Variants in GSG1L2 observed in about 807,000 individuals in gnomAD.
GSG1L2 encodes the protein GSG1 like 2.
GSG1L2 carries 15 observed loss-of-function variants against 9.0 expected under a neutral mutation model. The ratio of observed to expected loss-of-function variants is 1.67; its 90% CI spans 1.12 to 2.57. The LOEUF (loss-of-function observed/expected upper bound fraction) is 2.57. Ranked by LOEUF, GSG1L2 falls within the 30% of genes most tolerant of loss-of-function variation. The pLI, the probability that GSG1L2 is intolerant of heterozygous loss-of-function variation, is 0.00. For missense variants in GSG1L2, 286 were observed against 150.3 expected, an observed-to-expected ratio of 1.90 and a Z score of -4.72; for synonymous variants, 127 against 57.9, an observed-to-expected ratio of 2.19 and a Z score of -5.41.
At chr17:9,805,377 A>G (rs1386449823) in intron 4 of GSG1L2, 2 of 152,170 alleles carry the variant, frequency 1.3e-5, no homozygotes, top group East Asian at 1.9e-4. Context: ...GAAGAAAATA[A>G]CAGGCCACCT....
In GSG1L2 at chr17:9,808,867, C is replaced by T. The variant is rs924162917; in HGVS notation, c.474G>A (p.Arg158=). 1 of 702,960 alleles carries T rather than the reference C, an allele frequency of 1.4e-6. No homozygotes were observed. The highest frequency in any genetic ancestry group is 2.6e-6 in the Non-Finnish European group (1 of 385,002). 43.5% of individuals were successfully genotyped at this position (702,960 alleles called of 1,614,324 possible). The change falls in exon 3 of 5, where the codon AGG becomes AGA. Residue 158 remains arginine (R), a synonymous_variant. Transcript: ENST00000399363. ...TGAAGATGGCTACCAAGGCATCCAC[C>T]CTGAGCCAGTGGAACCCAGGGCTGC... The part of the protein sequence containing the change: ...SCRSPGFHWL[R]VDALVAIFMV...
chr17:9,814,198 T>C (rs1324316313), intron 1 of GSG1L2, among the ~76,000 whole-genome samples: 5 of 152,190 alleles, frequency 3.3e-5, no homozygotes, highest in Admixed American at 2.0e-4. Context: ...CCTCCCGAAG[T>C]GCTGGGATTA....
chr17:9,812,497 C>G (rs1197782571), intron 1 of GSG1L2, among the ~76,000 whole-genome samples: 1 of 152,162 alleles, frequency 6.6e-6, no homozygotes, highest in Non-Finnish European at 1.5e-5. Context: ...AGTCCTGTAA[C>G]AAATTACCAT....
chr17:9,808,766 G>C (rs766434255), intron 3 of GSG1L2, 64 bp downstream of exon 3: 192 of 688,562 alleles, frequency 2.8e-4, no homozygotes, highest in Non-Finnish European at 1.3e-4. Flanking sequence ...TAATGAGCAT[G>C]TCCAGTCTGA....
intron 1 of GSG1L2, among the ~76,000 whole-genome samples, chr17:9,816,640 C>CGTGTCTGTGT (rs1425895581): frequency 2.0e-5 from 2 of 100,044 alleles, no homozygotes; most frequent in African/African-American, 8.2e-5. Flanking sequence ...TGTCTGTGTG[C>CGTGTCTGTGT]GTGTCTGTGT....
chr17:9,806,345 T>C (rs1232474071), intron 4 of GSG1L2, among the ~76,000 whole-genome samples: 1 of 152,190 alleles, frequency 6.6e-6, no homozygotes, highest in Admixed American at 6.5e-5. Context: ...AGACCCATCA[T>C]CACAGTAACT....
chr17:9,802,768 G>A, intron 4 of GSG1L2, 124 bp from the exon 5 acceptor site: 5 of 612,544 alleles, frequency 8.2e-6, no homozygotes, highest in East Asian at 5.5e-5. Context: ...GTTTGGACCT[G>A]CATTTTGGAT....
intron 1 of GSG1L2, among the ~76,000 whole-genome samples, chr17:9,815,667 T>C (rs931853477): frequency 6.6e-6 from 1 of 152,232 alleles, no homozygotes; most frequent in Admixed American, 6.5e-5. Flanking sequence ...TTTTCTTTAC[T>C]TTTACAAAGA....
intron 4 of GSG1L2, 172 bp downstream of exon 4, chr17:9,807,318 C>T (rs1203232547): frequency 1.7e-6 from 1 of 590,270 alleles, no homozygotes; most frequent in Non-Finnish European, 3.0e-6. Flanking sequence ...GGTATCCTCA[C>T]TTTATCGATG....
rs1432548526 is a variant in GSG1L2 at position 9,820,471 on chromosome 17, G to A, written c.310+1291C>T. ...AGGAAGATAGCACTCCCTGAGAAGC[G>A]AGGAACTGTGGAGGTCCTAAATAGC... On this transcript the variant is annotated intron_variant, in intron 1 of 4. Coordinates refer to ENST00000399363, the MANE Select transcript of GSG1L2 (RefSeq NM_001310219.2). The surrounding 1 kb of genome is among the most constrained non-coding windows in gnomAD (Gnocchi z 4.9). Among the ~76,000 whole-genome samples, 2 of 109,626 alleles carry A rather than the reference G, an allele frequency of 1.8e-5. No individual in the cohort carries two copies. Among genetic ancestry groups the A allele is most frequent in the Non-Finnish European group, 3.4e-5 (2 of 59,654 alleles). 71.9% of individuals were successfully genotyped at this position (109,626 alleles called of 152,430 possible). A position where few individuals can be genotyped will look rare whatever the true frequency, so the allele number is the denominator to read the frequency against.
At chr17:9,805,140 A>G (rs2066511989) in intron 4 of GSG1L2, 1 of 152,226 alleles carries the variant, frequency 6.6e-6, no homozygotes, top group Admixed American at 6.5e-5. Context: ...AAGACCTAAT[A>G]TCTAACTAAC....
At chr17:9,808,646 C>T (rs1474205258) in intron 3 of GSG1L2, among the ~76,000 whole-genome samples, 184 bp downstream of exon 3, 1 of 152,158 alleles carries the variant, frequency 6.6e-6, no homozygotes, top group Non-Finnish European at 1.5e-5. Context: ...TTTCATCTGT[C>T]ACCCTAAAAA....
intron 3 of GSG1L2, chr17:9,807,827 G>T: frequency 2.1e-6 from 1 of 478,220 alleles, no homozygotes; most frequent in Non-Finnish European, 3.8e-6. Flanking sequence ...AACCTGGGTA[G>T]GAGTCTCCAT....
rs1276254652 is a variant in GSG1L2, at chr17:9,802,524, A to G, written c.744T>C (p.Ser248=). 4.3e-6 allele frequency: 3 copies of G among 701,368 alleles called. No individual in the cohort carries two copies. The African/African-American group carries it at 5.3e-5, about 12-fold the overall frequency. The allele number at this position is 701,368 out of a possible 1,614,324, so 43.4% of individuals were successfully genotyped here. A position where few individuals can be genotyped will look rare whatever the true frequency, so the allele number is the denominator to read the frequency against. The stretch of plus-strand genomic sequence containing the variant: ...CCTCGGGTTCCAGGAAGCTGTGTTG[A>G]GAGTGCCGACTGCCGTTCTGTGCCT... ...KQQAQNGSRH[S]QHSFLEPEAS... Residue 248 remains serine, a synonymous_variant, in exon 5 of 5, where the codon TCT becomes TCC. Coordinates refer to ENST00000399363, the MANE Select transcript of GSG1L2 (RefSeq NM_001310219.2).
rs1332806547 is a variant in GSG1L2 at position 9,821,860 on chromosome 17, G to C, written c.212C>G (p.Ala71Gly). 1.4e-6 allele frequency: 1 copy of C among 703,342 alleles called. No homozygotes were observed. Among genetic ancestry groups the C allele is most frequent in the South Asian group, 1.5e-5 (1 of 67,608 alleles). 43.6% of individuals were successfully genotyped at this position (703,342 alleles called of 1,614,324 possible). A position where few individuals can be genotyped will look rare whatever the true frequency, so the allele number is the denominator to read the frequency against. The change falls in exon 1 of 5, where the codon GCT (alanine) becomes GGT (glycine). Residue 71 changes from alanine (A) to glycine (G), a missense_variant. Ala to Gly is a moderately conservative substitution (Grantham distance 60, BLOSUM62 0). Coordinates refer to ENST00000399363, the MANE Select transcript of GSG1L2 (RefSeq NM_001310219.2). ...SNGRMDNNSQ[A>G]VLYIWELGDD... ...ACCCAGCTCCCAAATGTACAGGACAGCCTGGCTATTGTTGTCCATCCTGCC... is the reference window on the plus strand; with the variant it reads ...ACCCAGCTCCCAAATGTACAGGACACCCTGGCTATTGTTGTCCATCCTGCC...
chr17:9,815,250 T>G (rs1318325843), intron 1 of GSG1L2, among the ~76,000 whole-genome samples: 2 of 151,956 alleles, frequency 1.3e-5, no homozygotes, highest in Non-Finnish European at 2.9e-5. Flanking sequence ...AATAGCTGGG[T>G]GTGGTGGCAT....
At chr17:9,806,488 A>G (rs76960224) in intron 4 of GSG1L2, among the ~76,000 whole-genome samples, 15,636 of 152,284 alleles carry the variant, frequency 0.1, 916 homozygotes, top group East Asian at 0.15. Flanking sequence ...TTCTTTTGCT[A>G]AAAATTAAGT....
intron 4 of GSG1L2, chr17:9,804,402 AG>A (rs1451912171): frequency 6.6e-6 from 1 of 152,230 alleles, no homozygotes; most frequent in African/African-American, 2.4e-5. Flanking sequence ...ACGGAAGGAA[AG>A]GCTCCGGATT....
chr17:9,812,943 G>C (rs1161030140), intron 1 of GSG1L2, among the ~76,000 whole-genome samples: 1 of 152,180 alleles, frequency 6.6e-6, no homozygotes, highest in Admixed American at 6.5e-5. Flanking sequence ...GGCAGAAAGA[G>C]ATCTGGCTTG....
Sources: gnomAD v4.1 joint callset for allele counts (sites outside exome capture counted in the v4.1 genomes callset) on GRCh38, gnomAD v4.1.1 for gene constraint, Gnocchi (gnomAD v3.1) non-coding constraint, MANE v1.5 for transcripts, NCBI Gene and HGNC (gene_info 2026-07-23, HGNC 2026-07-21) for gene names.